BCLAF1: variants seen among roughly 807,000 people sequenced by gnomAD.
BCLAF1 encodes the protein BCL2 associated transcription factor 1.
Under a neutral mutation model 99.5 loss-of-function variants are expected in BCLAF1, and 10 were observed. The observed-to-expected ratio is 0.10, with a 90% CI of 0.06 to 0.17. The LOEUF (loss-of-function observed/expected upper bound fraction) is 0.17. BCLAF1 is among the 10% of genes least tolerant of loss of function. The pLI is 1.00. For missense variants in BCLAF1, 636 were observed against 1,105.8 expected (o/e 0.58, Z 6.02); for synonymous variants, 255 against 370.9 (o/e 0.69, Z 3.59).
chr6:136,269,399 A>C, intron 9 of BCLAF1, 38 bp downstream of exon 9: 1 of 1,586,108 alleles, frequency 6.3e-7, no homozygotes, highest in Non-Finnish European at 8.6e-7. Context: ...AAGGCTAATT[A>C]GAAGCTAAAA....
chr6:136,286,307 A>C (rs578185744), intron 1 of BCLAF1, among the ~76,000 whole-genome samples: 1 of 152,348 alleles, frequency 6.6e-6, no homozygotes, highest in African/African-American at 2.4e-5. Context: ...CATGACTATT[A>C]TTCCAGTAGT....
At position 136,279,848 on chromosome 6, in the gene BCLAF1, T is replaced by C. The variant is rs1035658307; in HGVS notation, c.19A>G (p.Arg7Gly). 6 of 1,556,328 alleles carry C rather than the reference T, an allele frequency of 3.9e-6. No individual in the cohort carries two copies. The African/African-American group carries it at 5.4e-5, about 14-fold the overall frequency. The change falls in exon 3 of 13, where the codon AGA becomes GGA. Residue 7 changes from arginine (R) to glycine (G), a missense_variant. Arg to Gly is a moderately radical substitution (Grantham distance 125). Transcript: ENST00000531224. MGRSNS[R>G]SHSSRSKSRS... ...GACTTTGACCTTGAAGAATGTGATCTAGAATTGGAGCGACCCATTTCTTTT... is the reference window on the plus strand; with the variant it reads ...GACTTTGACCTTGAAGAATGTGATCCAGAATTGGAGCGACCCATTTCTTTT...
At position 136,277,857 on chromosome 6, in the gene BCLAF1, G is replaced by A. The variant is rs747610349; in HGVS notation, c.1016+8C>T. On this transcript the variant is annotated splice_region_variant and intron_variant, in intron 4 of 12. Transcript: ENST00000531224. Reference sequence around the variant, plus strand: ...ATTATAATCTAGATTCTGTATTTTAGTTTTTACCTTTTTAAGAACTTCCCA... The same window carrying A: ...ATTATAATCTAGATTCTGTATTTTAATTTTTACCTTTTTAAGAACTTCCCA... 4 of 1,606,042 alleles carry A rather than the reference G, an allele frequency of 2.5e-6. No individual in the cohort carries two copies. The South Asian group carries it at 4.4e-5, about 18-fold the overall frequency.
chr6:136,275,279 T>C (rs1783121815), intron 6 of BCLAF1, among the ~76,000 whole-genome samples: 1 of 152,160 alleles, frequency 6.6e-6, no homozygotes, highest in African/African-American at 2.4e-5. Context: ...ATCTACATCA[T>C]GTTCTACCAT....
At chr6:136,267,930 T>C (rs1216158236) in intron 10 of BCLAF1, among the ~76,000 whole-genome samples, 1 of 151,974 alleles carries the variant, frequency 6.6e-6, no homozygotes, top group Admixed American at 6.6e-5. Context: ...GGTACAGTTA[T>C]TGATCTCGAA....
chr6:136,288,074 C>T (rs1241292673), intron 1 of BCLAF1, among the ~76,000 whole-genome samples: 2 of 152,208 alleles, frequency 1.3e-5, no homozygotes, highest in East Asian at 1.9e-4. Context: ...ACTTTTTACA[C>T]GTCTGTCTTC....
At chr6:136,275,270 T>C (rs1783120682) in intron 6 of BCLAF1, among the ~76,000 whole-genome samples, 1 of 152,256 alleles carries the variant, frequency 6.6e-6, no homozygotes, top group East Asian at 1.9e-4. Flanking sequence ...ATTCAACAAA[T>C]CTACATCATG....
In BCLAF1 at chr6:136,279,769, C is replaced by T. The variant is rs1472581269; in HGVS notation, c.98G>A (p.Arg33Gln). 4 of 1,565,868 alleles carry T rather than the reference C, an allele frequency of 2.6e-6. No individual in the cohort carries two copies. The highest frequency in any genetic ancestry group is 2.3e-5 in the East Asian group (1 of 43,972). ...TTAAAGCACATTAAATCACCTGTAT[C>T]GCTTCTTTCTAGAATGAGATCTTGA... ...SRSRSHSRKK[R>Q]YSSRSRSRTY... is the part of the protein sequence containing the mutation. Residue 33 changes from arginine (R) to glutamine (Q), a missense_variant, in exon 3 of 13, where the codon CGA (arginine) becomes CAA (glutamine). Arg to Gln is a conservative substitution (Grantham distance 43). This residue lies in a region of BCLAF1 where 81 missense variants were observed against 132.5 expected (regional missense o/e 0.61). Coordinates refer to ENST00000531224, the MANE Select transcript of BCLAF1 (RefSeq NM_014739.3).
intron 8 of BCLAF1, 182 bp from the exon 9 acceptor site, chr6:136,269,794 T>G (rs931486253): frequency 2.3e-6 from 1 of 441,700 alleles, no homozygotes; most frequent in African/African-American, 2.0e-5. Context: ...CTATTTTTAC[T>G]AAACATTTGT....
In BCLAF1 at chr6:136,275,867, G is replaced by A; in HGVS notation, c.1658C>T (p.Pro553Leu). The change falls in exon 5 of 13, where the codon CCT becomes CTT. Residue 553 changes from proline to leucine, a missense_variant. Transcript: ENST00000531224. ...CCTGTTAGAATCATCAAGAGGAACAGGTGCCATTTTGAGTTTGACTTCAGG... is the reference window on the plus strand; with the variant it reads ...CCTGTTAGAATCATCAAGAGGAACAAGTGCCATTTTGAGTTTGACTTCAGG... ...HRPEVKLKMA[P>L]VPLDDSNRPA... 1 of 1,613,200 alleles carries A rather than the reference G, an allele frequency of 6.2e-7. No homozygotes were observed. The highest frequency in any genetic ancestry group is 8.5e-7 in the Non-Finnish European group (1 of 1,179,684).
Position 136,276,526 on chromosome 6 carries a change from A to G in BCLAF1, c.1017-18T>C, listed in dbSNP as rs771387995. 5.7e-6 allele frequency: 9 copies of G among 1,574,444 alleles called. No homozygotes were observed. Among genetic ancestry groups the G allele is most frequent in the Non-Finnish European group, 6.0e-6 (7 of 1,165,922 alleles). On this transcript the variant is annotated intron_variant, in intron 4 of 12. Transcript: ENST00000531224. ...CTGTGAACCTGCGAATAAGCAAAGA[A>G]GAGGATAGTAACTCTGGATTGCATT...
chr6:136,276,042 G>T lies in BCLAF1; in HGVS notation c.1483C>A (p.Gln495Lys), dbSNP rs756279919. Reference protein sequence around the residue: ...SERITVKKETQSPEQVKSEKL... With the variant: ...SERITVKKETKSPEQVKSEKL... ...TCAGACTTTACCTGCTCAGGTGACT[G>T]AGTTTCTTTCTTTACTGTTATTCTT... The change falls in exon 5 of 13, where the codon CAG becomes AAG. Residue 495 changes from glutamine to lysine, a missense_variant. Gln to Lys is a moderately conservative substitution (Grantham distance 53). Coordinates refer to ENST00000531224, the MANE Select transcript of BCLAF1 (RefSeq NM_014739.3). 1 of 1,606,382 alleles carries T rather than the reference G, an allele frequency of 6.2e-7. No homozygotes were observed. Among genetic ancestry groups the T allele is most frequent in the Middle Eastern group, 1.7e-4 (1 of 6,000 alleles).
intron 8 of BCLAF1, chr6:136,271,779 G>T: frequency 2.9e-6 from 1 of 347,870 alleles, no homozygotes; most frequent in East Asian, 4.8e-5. Flanking sequence ...TTTCATTAGT[G>T]TTTTGAAAAA....
intron 3 of BCLAF1, among the ~76,000 whole-genome samples, chr6:136,279,229 A>G (rs1295031704): frequency 1.3e-5 from 2 of 152,236 alleles, no homozygotes; most frequent in East Asian, 3.9e-4. Context: ...CTGGTGGGGG[A>G]AAAAGAATGA....
chr6:136,268,041 T>C (rs1395228541), intron 10 of BCLAF1, 121 bp downstream of exon 10: 3 of 994,950 alleles, frequency 3.0e-6, no homozygotes, highest in Non-Finnish European at 4.2e-6. Flanking sequence ...TTCAATACTA[T>C]CTCTGACTTT....
intron 1 of BCLAF1, among the ~76,000 whole-genome samples, chr6:136,284,939 A>G (rs374715210): frequency 2.6e-5 from 4 of 152,316 alleles, no homozygotes; most frequent in South Asian, 4.1e-4. Flanking sequence ...GGGCCTAAAG[A>G]CAGGGAACAC....
Position 136,275,868 on chromosome 6 carries a change from G to C in BCLAF1, c.1657C>G (p.Pro553Ala). Reference protein sequence around the residue: ...HRPEVKLKMAPVPLDDSNRPA... With the variant: ...HRPEVKLKMAAVPLDDSNRPA... ...CTGTTAGAATCATCAAGAGGAACAG[G>C]TGCCATTTTGAGTTTGACTTCAGGA... The change falls in exon 5 of 13, where the codon CCT becomes GCT. Residue 553 changes from proline (P) to alanine (A), a missense_variant. By Grantham distance (27) the Pro-to-Ala change is conservative. This residue lies in a region of BCLAF1 where 20 missense variants were observed against 66.2 expected (regional missense o/e 0.30). Transcript: ENST00000531224. The C allele has an allele frequency of 6.2e-7, 1 of 1,613,164 alleles. No individual in the cohort carries two copies. The highest frequency in any genetic ancestry group is 8.5e-7 in the Non-Finnish European group (1 of 1,179,672).
chr6:136,261,964 T>C (rs868623021), intron 11 of BCLAF1, among the ~76,000 whole-genome samples: 1 of 152,164 alleles, frequency 6.6e-6, no homozygotes, highest in Non-Finnish European at 1.5e-5. Flanking sequence ...TAAAAGTAGA[T>C]TTTAAATCTA....
chr6:136,267,186 TTAAC>T lies in BCLAF1; in HGVS notation c.2398-15_2398-12del. The T allele has an allele frequency of 6.2e-7, 1 of 1,611,356 alleles. No individual in the cohort carries two copies. The highest frequency in any genetic ancestry group is 1.1e-5 in the South Asian group (1 of 90,900). On this transcript the variant is annotated splice_polypyrimidine_tract_variant and intron_variant, in intron 10 of 12. Coordinates refer to ENST00000531224, the MANE Select transcript of BCLAF1 (RefSeq NM_014739.3). ...GCCTCTAATTCGAAACTGATTAACA[TTAAC>T]AAAGTTGTTTAGTGATGCAATCAAA...
Sources: gnomAD v4.1 joint callset for allele counts (sites outside exome capture counted in the v4.1 genomes callset) on GRCh38, gnomAD v4.1.1 for gene constraint, gnomAD v4.1.1 regional missense constraint, MANE v1.5 for transcripts, NCBI Gene and HGNC (gene_info 2026-07-23, HGNC 2026-07-21) for gene names.